The following HSPA12A variants were observed in gnomAD, a reference collection of about 807,000 sequenced individuals.
HSPA12A encodes the protein heat shock 70 kDa protein 12A.
HSPA12A carries 28 observed loss-of-function variants against 69.2 expected under a neutral mutation model. The observed-to-expected ratio is 0.40, with a 90% confidence interval of 0.30 to 0.55. The LOEUF is 0.55. HSPA12A is among the 20% of genes least tolerant of loss of function. The pLI is 0.38. For synonymous variants in HSPA12A, 345 were observed against 370.5 expected (o/e 0.93, Z 0.79); for missense variants, 686 against 900.7 (o/e 0.76, Z 3.05).
chr10:116,812,335 C>T (rs1056862732), intron 2 of HSPA12A, among the ~76,000 whole-genome samples: 3 of 151,982 alleles, frequency 2.0e-5, no homozygotes, highest in African/African-American at 7.3e-5. Context: ...TGCCTGTAAT[C>T]CCAGCTACTC....
chr10:116,822,647 G>A (rs753165049), intron 2 of HSPA12A, among the ~76,000 whole-genome samples: 6 of 152,166 alleles, frequency 3.9e-5, no homozygotes, highest in Non-Finnish European at 7.3e-5. Flanking sequence ...ACAATTTAAT[G>A]TTCTCAGAGA....
chr10:116,774,799 T>C (rs945257468), intron 2 of HSPA12A, among the ~76,000 whole-genome samples: 1 of 152,132 alleles, frequency 6.6e-6, no homozygotes, highest in African/African-American at 2.4e-5. Context: ...GACTCCACCC[T>C]GACCCTGCAG....
intron 3 of HSPA12A, 25 bp downstream of exon 3, chr10:116,705,126 T>C: frequency 6.2e-7 from 1 of 1,613,252 alleles, no homozygotes; most frequent in Non-Finnish European, 8.5e-7. Flanking sequence ...ACCAGCCACG[T>C]GGCCCTCCCA....
At chr10:116,798,055 G>A (rs1426741099) in intron 2 of HSPA12A, among the ~76,000 whole-genome samples, 2 of 33,976 alleles carry the variant, frequency 5.9e-5, no homozygotes, top group Non-Finnish European at 2.8e-4. Context: ...TTTCTGGAGA[G>A]AGGCAGGGGC....
At chr10:116,792,373 G>A (rs906683523) in intron 2 of HSPA12A, among the ~76,000 whole-genome samples, 2 of 151,670 alleles carry the variant, frequency 1.3e-5, no homozygotes, top group Non-Finnish European at 2.9e-5. Flanking sequence ...AATGAAAGTA[G>A]ATGAAGCAGA....
At chr10:116,749,609 G>C (rs547211737) in intron 2 of HSPA12A, among the ~76,000 whole-genome samples, 4 of 152,204 alleles carry the variant, frequency 2.6e-5, no homozygotes, top group Admixed American at 6.5e-5. Flanking sequence ...CTCAAGAAAC[G>C]TGTTGAATGA....
intron 2 of HSPA12A, among the ~76,000 whole-genome samples, chr10:116,789,148 G>A (rs1363892117): frequency 6.6e-6 from 1 of 152,094 alleles, no homozygotes; most frequent in South Asian, 2.1e-4. Flanking sequence ...TTACAGGTGT[G>A]AGCCACCGCA....
intron 1 of HSPA12A, among the ~76,000 whole-genome samples, chr10:116,718,845 G>A (rs1351703382): frequency 2.0e-5 from 3 of 151,914 alleles, no homozygotes; most frequent in South Asian, 2.1e-4. Context: ...AGCTCAAGCA[G>A]AGGCCAGGCA....
At chr10:116,727,195 G>T (rs1850994100) in intron 1 of HSPA12A, among the ~76,000 whole-genome samples, 1 of 152,140 alleles carries the variant, frequency 6.6e-6, no homozygotes, top group African/African-American at 2.4e-5. Flanking sequence ...ACAATAATTT[G>T]CACAGAATTC....
chr10:116,742,702 G>T, upstream of HSPA12A: 1 of 701,846 alleles, frequency 1.4e-6, no homozygotes, highest in Non-Finnish European at 1.8e-6. Context: ...GGGGAAGGCG[G>T]GCGCGGGGAA....
Position 116,707,191 on chromosome 10 carries a change from A to C in HSPA12A, c.126+9T>G. 1 of 1,570,764 alleles carries C rather than the reference A, an allele frequency of 6.4e-7. No homozygotes were observed. The highest frequency in any genetic ancestry group is 2.3e-5 in the East Asian group (1 of 44,284). ...CACACACACACACACACACACACAC[A>C]CTTCTTACCACAATATGGGAGGGGG... On this transcript the variant is annotated intron_variant, in intron 2 of 11. Coordinates refer to ENST00000369209, the MANE Select transcript of HSPA12A (RefSeq NM_025015.3).
At chr10:116,758,453 G>A (rs1383004350) in intron 2 of HSPA12A, among the ~76,000 whole-genome samples, 2 of 152,160 alleles carry the variant, frequency 1.3e-5, no homozygotes, top group Non-Finnish European at 2.9e-5. Context: ...ACCCGGCCAG[G>A]AGGTGGCATG....
intron 1 of HSPA12A, among the ~76,000 whole-genome samples, chr10:116,842,698 G>A (rs1251429041): frequency 1.3e-5 from 2 of 152,128 alleles, no homozygotes; most frequent in Non-Finnish European, 2.9e-5. Context: ...TGCCTCCCGG[G>A]TTCAAGCGAT....
chr10:116,840,470 T>C (rs187793676), intron 1 of HSPA12A, among the ~76,000 whole-genome samples: 54 of 152,350 alleles, frequency 3.5e-4, no homozygotes, highest in African/African-American at 1.2e-3. Context: ...TTGTATTTGA[T>C]TCTGTATTCT....
chr10:116,797,907 G>A (rs1258781092), intron 2 of HSPA12A, among the ~76,000 whole-genome samples: 1 of 152,172 alleles, frequency 6.6e-6, no homozygotes, highest in Non-Finnish European at 1.5e-5. Flanking sequence ...AGGACCAGAG[G>A]GGACAGCCAG....
intron 2 of HSPA12A, among the ~76,000 whole-genome samples, chr10:116,817,364 G>T (rs1845324905): frequency 6.6e-6 from 1 of 152,080 alleles, no homozygotes; most frequent in Non-Finnish European, 1.5e-5. Flanking sequence ...AGACAATAGG[G>T]AACAAGGTGC....
intron 2 of HSPA12A, among the ~76,000 whole-genome samples, chr10:116,783,137 G>A (rs1464340399): frequency 6.6e-6 from 1 of 152,222 alleles, no homozygotes; most frequent in Non-Finnish European, 1.5e-5. Flanking sequence ...GGCTCTGAAA[G>A]ACTAAGCTGT....
rs1554882231 is a variant in HSPA12A at position 116,705,222 on chromosome 10, G to A, written c.183C>T (p.Val61=). 5.0e-6 allele frequency: 8 copies of A among 1,614,018 alleles called. No homozygotes were observed. Among genetic ancestry groups the A allele is most frequent in the African/African-American group, 4.0e-5 (3 of 74,924 alleles). ...AGCCACTGGATGTGGTCCCAAAGTC[G>A]ACGGCCACCACCACGAGAAATGACT... ...EQQSFLVVVA[V]DFGTTSSGYA... is the part of the protein sequence containing the mutation. Residue 61 remains valine, a synonymous_variant, in exon 3 of 12, where the codon GTC becomes GTT. Transcript: ENST00000369209.
rs532623921 is a variant in HSPA12A, at chr10:116,682,949, T to C, written c.835+842A>G. 4.0e-5 allele frequency among the ~76,000 whole-genome samples: 6 copies of C among 150,382 alleles called. No homozygotes were observed. The South Asian group carries it at 1.3e-3, about 32-fold the overall frequency. ...GGATTTCCTGACCTCGTGATCCGCC[T>C]GCCTCGGCCTCCCAAAGTGCTGGGA... On this transcript the variant is annotated intron_variant, in intron 7 of 11. Transcript: ENST00000369209.
Sources: gnomAD v4.1 joint callset for allele counts (sites outside exome capture counted in the v4.1 genomes callset) on GRCh38, gnomAD v4.1.1 for gene constraint, MANE v1.5 for transcripts, NCBI Gene and HGNC (gene_info 2026-07-23, HGNC 2026-07-21) for gene names.